The following KLF12 variants were observed in gnomAD, a reference collection of about 807,000 sequenced individuals.
KLF12 encodes KLF transcription factor 12.
In KLF12, 9 loss-of-function variants were observed where a neutral mutation model predicts 37.8. The observed-to-expected ratio is 0.24, with a 90% CI of 0.14 to 0.42. KLF12 has a LOEUF of 0.42. Among genes scored for constraint, KLF12 ranks in the 10% least tolerant of loss-of-function variants. The probability of loss-of-function intolerance (pLI) is 1.00; values close to 1 mark genes in which losing one functional copy is unlikely to be tolerated. For missense variants in KLF12, 411 were observed against 516.0 expected (o/e 0.80, Z 1.97); for synonymous variants, 208 against 202.1 (o/e 1.03, Z -0.25).
chr13:73,924,116 G>C (rs1006194110), intron 3 of KLF12, among the ~76,000 whole-genome samples: 1 of 152,206 alleles, frequency 6.6e-6, no homozygotes, highest in Admixed American at 6.5e-5. Context: ...ATATACACAG[G>C]TGTAAAGTAG....
intron 2 of KLF12, among the ~76,000 whole-genome samples, chr13:73,963,385 T>C (rs1314819156): frequency 1.3e-5 from 2 of 151,994 alleles, no homozygotes; most frequent in African/African-American, 4.8e-5. Context: ...GAATTATTTG[T>C]ATGTCCCTGA....
intron 2 of KLF12, among the ~76,000 whole-genome samples, chr13:73,993,284 C>A (rs1052930543): frequency 6.6e-6 from 1 of 152,152 alleles, no homozygotes; most frequent in African/African-American, 2.4e-5. Context: ...TCCTTAAAGA[C>A]TTTTGAATTC....
chr13:73,863,164 C>T (rs1019687475), intron 3 of KLF12, among the ~76,000 whole-genome samples: 1 of 152,080 alleles, frequency 6.6e-6, no homozygotes, highest in Non-Finnish European at 1.5e-5. Context: ...GAGGGAGGAT[C>T]TCAGAAACAT....
At chr13:74,220,939 T>A in the KLF12 span, among the ~76,000 whole-genome samples, 72 of 152,258 alleles carry the variant, frequency 4.7e-4, no homozygotes, top group African/African-American at 1.7e-3. Flanking sequence ...TTTCAGTTGT[T>A]CTGATTTGTC....
At position 73,732,643 on chromosome 13, in the gene KLF12, C is replaced by T. The variant is rs1294058377; in HGVS notation, c.870-17118G>A. ...ATGTTGGAGGTTCCCTGAGCTCAGTCCTCCAGCCGTTTCTCCTTTCTGTTT... is the reference window on the plus strand; with the variant it reads ...ATGTTGGAGGTTCCCTGAGCTCAGTTCTCCAGCCGTTTCTCCTTTCTGTTT... On this transcript the variant is annotated intron_variant, in intron 6 of 7. Transcript: ENST00000377669. Among the ~76,000 whole-genome samples the T allele has an allele frequency of 2.0e-5, 3 of 152,136 alleles. No individual in the cohort carries two copies. In the East Asian group the frequency reaches 5.8e-4, roughly 29 times the overall value.
At chr13:73,799,155 G>A (rs1199134972) in intron 5 of KLF12, among the ~76,000 whole-genome samples, 2 of 152,038 alleles carry the variant, frequency 1.3e-5, no homozygotes, top group Non-Finnish European at 2.9e-5. Context: ...AAACTAATAT[G>A]GAAACAGAAT....
chr13:73,791,414 TGA>T (rs1180894003), intron 5 of KLF12, among the ~76,000 whole-genome samples: 1 of 152,168 alleles, frequency 6.6e-6, no homozygotes, highest in Non-Finnish European at 1.5e-5. Flanking sequence ...TCCTGCCACA[TGA>T]GCTGTTTGTC....
intron 1 of KLF12, among the ~76,000 whole-genome samples, chr13:74,041,662 T>C (rs544247229): frequency 4.1e-4 from 62 of 150,678 alleles, no homozygotes; most frequent in Middle Eastern, 3.4e-3. Context: ...ATCAAAGATA[T>C]AGCTATGAAA....
At chr13:74,016,875 A>C (rs1235780454) in intron 1 of KLF12, among the ~76,000 whole-genome samples, 3 of 151,912 alleles carry the variant, frequency 2.0e-5, no homozygotes, top group Non-Finnish European at 4.4e-5. Flanking sequence ...AAACAATCCA[A>C]ATGTCTATCA....
chr13:73,831,041 A>G (rs1884129803), intron 4 of KLF12, among the ~76,000 whole-genome samples: 2 of 148,012 alleles, frequency 1.4e-5, no homozygotes. Context: ...CTTATTTTAC[A>G]TACAGAATAG....
chr13:73,837,522 G>A (rs1884499827), intron 4 of KLF12, among the ~76,000 whole-genome samples: 1 of 151,558 alleles, frequency 6.6e-6, no homozygotes, highest in Non-Finnish European at 1.5e-5. Flanking sequence ...GTATCTGTAG[G>A]AAAAAAAAGG....
intron 5 of KLF12, among the ~76,000 whole-genome samples, chr13:73,804,967 C>T (rs566325778): frequency 1.3e-5 from 2 of 152,340 alleles, no homozygotes; most frequent in Admixed American, 6.5e-5. Flanking sequence ...AAACCAAATA[C>T]ATGAGCTTTC....
intron 5 of KLF12, among the ~76,000 whole-genome samples, chr13:73,808,569 G>A (rs923951838): frequency 1.9e-4 from 29 of 152,024 alleles, no homozygotes; most frequent in African/African-American, 6.3e-4. Flanking sequence ...GGTGGGGTGG[G>A]TAGATGTATC....
intron 3 of KLF12, among the ~76,000 whole-genome samples, chr13:73,890,406 T>G (rs1306995200): frequency 6.6e-6 from 1 of 152,124 alleles, no homozygotes; most frequent in Admixed American, 6.6e-5. Context: ...ATCAGGATTA[T>G]CCCACGAAAG....
intron 3 of KLF12, among the ~76,000 whole-genome samples, chr13:73,933,291 G>A (rs558680987): frequency 3.3e-5 from 5 of 152,188 alleles, no homozygotes; most frequent in Non-Finnish European, 7.4e-5. Context: ...TTTGCATAAC[G>A]TATCTTTTTC....
intron 1 of KLF12, among the ~76,000 whole-genome samples, chr13:74,039,723 G>A (rs762654371): frequency 3.3e-5 from 5 of 152,178 alleles, no homozygotes; most frequent in East Asian, 1.9e-4. Context: ...TTTCAAAAGC[G>A]TAATACAATT....
At chr13:74,251,111 A>C in the KLF12 span, among the ~76,000 whole-genome samples, 2 of 152,168 alleles carry the variant, frequency 1.3e-5, no homozygotes, top group South Asian at 4.1e-4. Context: ...CCAGCTATGA[A>C]TCTCGTGAAC....
At chr13:74,257,318 A>G in the KLF12 span, 1 of 152,362 alleles carries the variant, frequency 6.6e-6, no homozygotes, top group Non-Finnish European at 1.5e-5. Context: ...ACAGGAGCAG[A>G]TGAAATGTCA....
the KLF12 span, among the ~76,000 whole-genome samples, chr13:74,278,086 G>A: frequency 6.6e-6 from 1 of 152,290 alleles, no homozygotes; most frequent in African/African-American, 2.4e-5. Flanking sequence ...TAATCTGGAC[G>A]TGTTCTCTTA....
Sources: allele counts gnomAD v4.1 joint callset (sites outside exome capture counted in the v4.1 genomes callset), GRCh38; gene constraint gnomAD v4.1.1; transcripts MANE v1.5; gene names NCBI Gene and HGNC (gene_info 2026-07-23, HGNC 2026-07-21).